The following EFHD2 variants were observed in gnomAD, a reference collection of about 807,000 sequenced individuals.
EFHD2 encodes EF-hand domain family member D2, also known as EF-hand domain-containing protein D2.
Under a neutral mutation model 20.3 loss-of-function variants are expected in EFHD2, and 12 were observed. The ratio of observed to expected loss-of-function variants is 0.59; its 90% CI spans 0.38 to 0.96. EFHD2 has a LOEUF of 0.96. Ranked by LOEUF, EFHD2 falls within the 40% of genes least tolerant of loss-of-function variation. EFHD2 has a pLI of 0.00. For missense variants in EFHD2, 250 were observed against 334.3 expected (o/e 0.75, Z 1.97); for synonymous variants, 131 against 143.9 (o/e 0.91, Z 0.64).
At chr1:15,424,629 C>T (rs1707843459) in intron 1 of EFHD2, among the ~76,000 whole-genome samples, 1 of 152,254 alleles carries the variant, frequency 6.6e-6, no homozygotes, top group Non-Finnish European at 1.5e-5. Context: ...CCCAGGCTGC[C>T]TCCTGCCACC....
intron 1 of EFHD2, among the ~76,000 whole-genome samples, chr1:15,411,835 C>T (rs1038370977): frequency 1.3e-5 from 2 of 152,170 alleles, no homozygotes; most frequent in Non-Finnish European, 2.9e-5. Context: ...AGTGCCCCAA[C>T]ATCAAGCCGG....
At chr1:15,418,946 C>T (rs1707740218) in intron 1 of EFHD2, among the ~76,000 whole-genome samples, 1 of 152,252 alleles carries the variant, frequency 6.6e-6, no homozygotes, top group African/African-American at 2.4e-5. Flanking sequence ...GCTTCATAGG[C>T]TTCTTGTGAG....
rs1172349427 is a variant in EFHD2, at chr1:15,413,660, C to A, written c.308+3381C>A. Reference sequence around the variant, plus strand: ...CTGAAGGGTTGACTCCAACCCCTCTCCCCATTTGACAGAAGAGGGAACCAA... The same window carrying A: ...CTGAAGGGTTGACTCCAACCCCTCTACCCATTTGACAGAAGAGGGAACCAA... On this transcript the variant is annotated intron_variant, in intron 1 of 3. Transcript: ENST00000375980. The surrounding 1 kb of genome is among the most constrained non-coding windows in gnomAD (Gnocchi z 4.4). 2.0e-5 allele frequency among the ~76,000 whole-genome samples: 3 copies of A among 152,172 alleles called. No individual in the cohort carries two copies. Among genetic ancestry groups the A allele is most frequent in the Admixed American group, 6.5e-5 (1 of 15,280 alleles).
intron 1 of EFHD2, among the ~76,000 whole-genome samples, chr1:15,416,365 A>C (rs948890199): frequency 9.2e-5 from 14 of 151,998 alleles, no homozygotes; most frequent in African/African-American, 3.1e-4. Flanking sequence ...CAGCCTCAGC[A>C]GGGAAGGTCC....
chr1:15,417,955 C>G (rs11585286), intron 1 of EFHD2, among the ~76,000 whole-genome samples: 26,205 of 149,356 alleles, frequency 0.18, 2,426 homozygotes, highest in Middle Eastern at 0.27. Context: ...GGGGCACCTG[C>G]ACGAGGAGCA....
At chr1:15,420,911 G>T (rs909754756) in intron 1 of EFHD2, among the ~76,000 whole-genome samples, 2 of 152,060 alleles carry the variant, frequency 1.3e-5, no homozygotes, top group Non-Finnish European at 2.9e-5. Flanking sequence ...CAAAGTGCTG[G>T]CATTATAGAC....
chr1:15,419,262 A>G (rs775093874), intron 1 of EFHD2, among the ~76,000 whole-genome samples: 2 of 152,210 alleles, frequency 1.3e-5, no homozygotes, highest in African/African-American at 2.4e-5. Context: ...TTTTGTCCCC[A>G]GCATCCAGGG....
At chr1:15,418,366 C>T (rs539810418) in intron 1 of EFHD2, among the ~76,000 whole-genome samples, 1,692 of 134,372 alleles carry the variant, frequency 0.013, 45 homozygotes, top group African/African-American at 0.046. Flanking sequence ...AGTGCAGTGG[C>T]GCGATCTCGG....
rs1707423592 is a variant in EFHD2 at position 15,409,895 on chromosome 1, A to T, written c.-77A>T. On this transcript the variant is annotated 5_prime_UTR_variant, in exon 1 of 4. Coordinates refer to ENST00000375980, the MANE Select transcript of EFHD2 (RefSeq NM_024329.6). ...GGCGGTGCCTGGCCCGGGGAGTGTC[A>T]GGAAGAGGAAGAGCGCGGCCGGCGG... 4 of 1,184,752 alleles carry T rather than the reference A, an allele frequency of 3.4e-6. No homozygotes were observed. The highest frequency in any genetic ancestry group is 4.2e-6 in the Non-Finnish European group (4 of 958,456). 73.4% of individuals were successfully genotyped at this position (1,184,752 alleles called of 1,614,324 possible). A position where few individuals can be genotyped will look rare whatever the true frequency, so the allele number is the denominator to read the frequency against.
rs1707433474 is a variant in EFHD2 at position 15,410,025 on chromosome 1, C to A, written c.54C>A (p.Gly18=). 1.6e-6 allele frequency: 2 copies of A among 1,273,012 alleles called. No individual in the cohort carries two copies. The highest frequency in any genetic ancestry group is 9.9e-7 in the Non-Finnish European group (1 of 1,013,036). The allele number at this position is 1,273,012 out of a possible 1,614,324, so 78.9% of individuals were successfully genotyped here. A position where few individuals can be genotyped will look rare whatever the true frequency, so the allele number is the denominator to read the frequency against. The change falls in exon 1 of 4, where the codon GGC becomes GGA. Residue 18 remains glycine, a synonymous_variant. Transcript: ENST00000375980. ...TKLSRRLQME[G]EGGGETPEQP... is the part of the protein sequence containing the mutation. ...TGAGCCGGCGGCTGCAGATGGAGGG[C>A]GAGGGCGGCGGCGAGACCCCGGAGC...
chr1:15,418,634 T>G (rs1051090161), intron 1 of EFHD2, among the ~76,000 whole-genome samples: 1 of 118,766 alleles, frequency 8.4e-6, no homozygotes, highest in South Asian at 2.7e-4. Context: ...AAAGCCAAGA[T>G]AGGCCCCCCC....
At chr1:15,418,921 G>A (rs928248537) in intron 1 of EFHD2, among the ~76,000 whole-genome samples, 2 of 152,250 alleles carry the variant, frequency 1.3e-5, no homozygotes, top group African/African-American at 4.8e-5. Context: ...CTCCTTGTCG[G>A]TTCATGTTCA....
chr1:15,410,122 G>A lies in EFHD2; in HGVS notation c.151G>A (p.Ala51Thr), dbSNP rs765102809. 3 of 1,573,424 alleles carry A rather than the reference G, an allele frequency of 1.9e-6. No individual in the cohort carries two copies. The highest frequency in any genetic ancestry group is 1.8e-5 in the Admixed American group (1 of 55,054). ...CGAGGCGGCCGAGGCGCTGGGCAGC[G>A]CGGACTGCGAGCTGAGCGCCAAGCT... ...PDEAAEALGS[A>T]DCELSAKLLR... is the part of the protein sequence containing the mutation. The change falls in exon 1 of 4, where the codon GCG becomes ACG. Residue 51 changes from alanine (A) to threonine (T), a missense_variant. By Grantham distance (58) the Ala-to-Thr change is moderately conservative. Coordinates refer to ENST00000375980, the MANE Select transcript of EFHD2 (RefSeq NM_024329.6).
rs1707447693 is a variant in EFHD2 at position 15,410,216 on chromosome 1, C to A, written c.245C>A (p.Pro82His). 1.2e-6 allele frequency: 2 copies of A among 1,606,996 alleles called. No individual in the cohort carries two copies. The highest frequency in any genetic ancestry group is 1.7e-5 in the Admixed American group (1 of 59,584). The change falls in exon 1 of 4, where the codon CCC becomes CAC. Residue 82 changes from proline to histidine, a missense_variant. Physicochemically the swap from Pro to His is moderately conservative, Grantham distance 77. Around this residue, in one of 3 missense-constraint regions of EFHD2, gnomAD observed 143 missense variants for 190.6 expected, o/e 0.75. Transcript: ENST00000375980. ...PQSPSRRVFN[P>H]YTEFKEFSRK... ...TCGCCCAGCCGCCGCGTCTTCAACC[C>A]CTACACCGAGTTCAAGGAGTTCTCC... is the stretch of plus-strand genomic sequence containing the variant.
chr1:15,421,680 G>A (rs145611138), intron 1 of EFHD2, among the ~76,000 whole-genome samples: 15 of 152,292 alleles, frequency 9.8e-5, no homozygotes, highest in African/African-American at 3.1e-4. Context: ...AAACTGAGCT[G>A]CCCCTGGCTG....
At chr1:15,419,613 T>C (rs558481006) in intron 1 of EFHD2, among the ~76,000 whole-genome samples, 1 of 152,332 alleles carries the variant, frequency 6.6e-6, no homozygotes, top group South Asian at 2.1e-4. Context: ...CACTGCCCAC[T>C]GTGGGCCCCA....
At chr1:15,422,911 G>C (rs1557500932) in intron 1 of EFHD2, among the ~76,000 whole-genome samples, 1 of 152,122 alleles carries the variant, frequency 6.6e-6, no homozygotes, top group African/African-American at 2.4e-5. Context: ...GAGGAGCCCA[G>C]GCAATTTGGC....
rs1295462324 is a variant in EFHD2 at position 15,413,173 on chromosome 1, G to A, written c.308+2894G>A. ...GCAGGGTCCTAGGATCAAAGCCAGG[G>A]CATCAGAGCCAGGGCTCTGGGGAGA... is the stretch of plus-strand genomic sequence containing the variant. On this transcript the variant is annotated intron_variant, in intron 1 of 3. Transcript: ENST00000375980. This position sits in a 1 kb window ranked among gnomAD's most constrained non-coding sequence, Gnocchi z 4.4. Among the ~76,000 whole-genome samples, 1 of 152,196 alleles carries A rather than the reference G, an allele frequency of 6.6e-6. No individual in the cohort carries two copies. The highest frequency in any genetic ancestry group is 1.5e-5 in the Non-Finnish European group (1 of 68,030).
At chr1:15,414,194 A>G (rs1444380239) in intron 1 of EFHD2, among the ~76,000 whole-genome samples, 1 of 152,110 alleles carries the variant, frequency 6.6e-6, no homozygotes, top group East Asian at 1.9e-4. Context: ...CCCTGTCCCC[A>G]CTGTCATCCC....
Sources: gnomAD v4.1 joint callset for allele counts (sites outside exome capture counted in the v4.1 genomes callset) on GRCh38, gnomAD v4.1.1 for gene constraint, gnomAD v4.1.1 regional missense constraint, Gnocchi (gnomAD v3.1) non-coding constraint, MANE v1.5 for transcripts, NCBI Gene and HGNC (gene_info 2026-07-23, HGNC 2026-07-21) for gene names.